The following AP2B1 variants were observed in gnomAD, a reference collection of about 807,000 sequenced individuals.
AP2B1 encodes the protein AP-2 complex subunit beta.
A neutral mutation model predicts 102.0 loss-of-function variants in AP2B1; 23 were observed. That is an observed-to-expected ratio of 0.23 (90% CI 0.16 to 0.32). The LOEUF (loss-of-function observed/expected upper bound fraction) is 0.32, where lower values mean the gene tolerates loss of function less well. Among genes scored for constraint, AP2B1 ranks in the 10% least tolerant of loss-of-function variants. The pLI, the probability that AP2B1 is intolerant of heterozygous loss-of-function variation, is 1.00. For missense variants in AP2B1, 541 were observed against 1,157.4 expected, an observed-to-expected ratio of 0.47 and a Z score of 7.73; for synonymous variants, 381 against 421.2, an observed-to-expected ratio of 0.90 and a Z score of 1.17.
chr17:35,660,164 G>A (rs938365451), intron 14 of AP2B1: 2 of 804,752 alleles, frequency 2.5e-6, no homozygotes, highest in East Asian at 1.2e-4. Context: ...TTTAGTTTGT[G>A]GAAATGGGTT....
chr17:35,712,670 G>A (rs782739364), intron 20 of AP2B1, among the ~76,000 whole-genome samples: 29 of 152,062 alleles, frequency 1.9e-4, no homozygotes, highest in Non-Finnish European at 3.2e-4. Flanking sequence ...GAAAAAAAGC[G>A]TTTTGTTATC....
chr17:35,655,031 G>A (rs1475507988), intron 13 of AP2B1, among the ~76,000 whole-genome samples: 2 of 152,052 alleles, frequency 1.3e-5, no homozygotes, highest in African/African-American at 2.4e-5. Context: ...GAGCATACCT[G>A]TGTTGGATTA....
chr17:35,641,869 C>G lies in AP2B1; in HGVS notation c.1438-8C>G. The G allele has an allele frequency of 3.1e-6, 5 of 1,593,508 alleles. No individual in the cohort carries two copies. The highest frequency in any genetic ancestry group is 4.3e-6 in the Non-Finnish European group (5 of 1,164,336). On this transcript the variant is annotated splice_polypyrimidine_tract_variant and splice_region_variant and intron_variant, in intron 11 of 21. Coordinates refer to ENST00000610402, the MANE Select transcript of AP2B1 (RefSeq NM_001030006.2). ...TCTTTCACACTATCACAAATTATGT[C>G]TGTTTAGGTGCAGCTCACTCTGCTT...
At position 35,671,740 on chromosome 17, in the gene AP2B1, T is replaced by C; in HGVS notation, c.2032-14T>C. 1.2e-6 allele frequency: 2 copies of C among 1,612,874 alleles called. No individual in the cohort carries two copies. Among genetic ancestry groups the C allele is most frequent in the Non-Finnish European group, 1.7e-6 (2 of 1,179,552 alleles). On this transcript the variant is annotated splice_polypyrimidine_tract_variant and intron_variant, in intron 15 of 21. Coordinates refer to ENST00000610402, the MANE Select transcript of AP2B1 (RefSeq NM_001030006.2). ...TTCCCAATCTCCCCTCTCCCTTTTTTTTTTCTCCTGCAGGTGGGACAATCC... is the reference window on the plus strand; with the variant it reads ...TTCCCAATCTCCCCTCTCCCTTTTTCTTTTCTCCTGCAGGTGGGACAATCC...
intron 18 of AP2B1, among the ~76,000 whole-genome samples, chr17:35,704,069 C>T (rs971162447): frequency 1.3e-5 from 2 of 152,150 alleles, no homozygotes; most frequent in East Asian, 3.8e-4. Flanking sequence ...CTTTTCCTGT[C>T]TCCCTCCAAC....
At chr17:35,590,284 C>G (rs2073052805) in intron 1 of AP2B1, among the ~76,000 whole-genome samples, 1 of 152,056 alleles carries the variant, frequency 6.6e-6, no homozygotes, top group South Asian at 2.1e-4. Context: ...ATGTCCATAT[C>G]TAGCATGTGA....
intron 14 of AP2B1, among the ~76,000 whole-genome samples, chr17:35,667,089 T>C (rs2075483976): frequency 6.6e-6 from 1 of 152,232 alleles, no homozygotes; most frequent in Non-Finnish European, 1.5e-5. Context: ...GAGTATCTCC[T>C]TCCTCCTGTT....
chr17:35,619,351 T>A (rs949077376), intron 5 of AP2B1, among the ~76,000 whole-genome samples: 8 of 152,288 alleles, frequency 5.3e-5, no homozygotes, highest in African/African-American at 1.9e-4. Context: ...TGCTTATCAT[T>A]AAAAATTCAG....
intron 5 of AP2B1, among the ~76,000 whole-genome samples, chr17:35,623,041 AAC>A (rs1319720046): frequency 6.6e-6 from 1 of 152,086 alleles, no homozygotes; most frequent in Non-Finnish European, 1.5e-5. Flanking sequence ...CTCACTGCAA[AAC>A]ATGGTCTTAA....
In AP2B1 at chr17:35,710,453, A is replaced by G. The variant is rs1032381253; in HGVS notation, c.2626+133A>G. ...TGTTTCTAGTGGGTATATATGGTAG[A>G]TGCATTACTTTGCAAACCTCTGTTT... On this transcript the variant is annotated intron_variant, in intron 20 of 21. Transcript: ENST00000610402. The G allele has an allele frequency of 1.7e-5, 11 of 633,578 alleles. No homozygotes were observed. In the African/African-American group the frequency reaches 2.0e-4, roughly 12 times the overall value. The allele number at this position is 633,578 out of a possible 1,614,324, so 39.2% of individuals were successfully genotyped here. A position where few individuals can be genotyped will look rare whatever the true frequency, so the allele number is the denominator to read the frequency against.
intron 12 of AP2B1, among the ~76,000 whole-genome samples, chr17:35,646,589 T>G (rs1389346088): frequency 6.7e-6 from 1 of 148,360 alleles, no homozygotes; most frequent in Non-Finnish European, 1.5e-5. Context: ...ATATATAATT[T>G]TTTTTTTTTT....
At chr17:35,639,896 GTC>G (rs1364678738) in intron 11 of AP2B1, 136 bp downstream of exon 11, 8 of 750,996 alleles carry the variant, frequency 1.1e-5, no homozygotes, top group Non-Finnish European at 1.7e-5. Context: ...CAACAGGGAT[GTC>G]TCTTCTCAGT....
chr17:35,696,413 CTT>C (rs71366474), intron 18 of AP2B1, among the ~76,000 whole-genome samples: 13 of 131,224 alleles, frequency 9.9e-5, no homozygotes, highest in African/African-American at 8.5e-5. Context: ...GGAATAAGTT[CTT>C]TTTTTTTTTT....
At chr17:35,672,387 T>C (rs57312462) in intron 16 of AP2B1, among the ~76,000 whole-genome samples, 1,952 of 152,330 alleles carry the variant, frequency 0.013, 49 homozygotes, top group African/African-American at 0.045. Flanking sequence ...TGTCTTGTCT[T>C]AACCTTACTT....
At chr17:35,624,024 T>G (rs1045127673) in intron 5 of AP2B1, among the ~76,000 whole-genome samples, 2 of 152,210 alleles carry the variant, frequency 1.3e-5, no homozygotes, top group Admixed American at 6.5e-5. Context: ...TGGCCTAGAT[T>G]TTTCTCTCTG....
chr17:35,645,337 G>A (rs1186038311), intron 12 of AP2B1, among the ~76,000 whole-genome samples: 2 of 152,154 alleles, frequency 1.3e-5, no homozygotes, highest in South Asian at 2.1e-4. Flanking sequence ...TGTCTCTATA[G>A]TAGAGTTAAT....
At chr17:35,687,654 C>A (rs1034049244) in intron 18 of AP2B1, among the ~76,000 whole-genome samples, 4 of 152,008 alleles carry the variant, frequency 2.6e-5, no homozygotes, top group African/African-American at 9.7e-5. Context: ...CTCAAGCGAT[C>A]CTGCTACCTT....
At chr17:35,692,787 G>T (rs587669198) in intron 18 of AP2B1, among the ~76,000 whole-genome samples, 13 of 152,236 alleles carry the variant, frequency 8.5e-5, no homozygotes, top group Admixed American at 7.2e-4. Flanking sequence ...TACACATAAG[G>T]AATGTAAAAT....
At chr17:35,641,179 A>G (rs140197174) in intron 11 of AP2B1, among the ~76,000 whole-genome samples, 1 of 152,358 alleles carries the variant, frequency 6.6e-6, no homozygotes, top group East Asian at 1.9e-4. Flanking sequence ...ACGACAGATG[A>G]TTCCATAATT....
Sources: allele counts gnomAD v4.1 joint callset (sites outside exome capture counted in the v4.1 genomes callset), GRCh38; gene constraint gnomAD v4.1.1; transcripts MANE v1.5; gene names NCBI Gene and HGNC (gene_info 2026-07-23, HGNC 2026-07-21).